Variants in EBF1 observed in about 807,000 individuals in gnomAD.
EBF1 encodes the protein EBF transcription factor 1.
In EBF1, 10 loss-of-function variants were observed where a neutral mutation model predicts 68.4. That is an observed-to-expected ratio of 0.15 (90% confidence interval 0.09 to 0.25). The LOEUF is 0.25. EBF1 is among the 10% of genes least tolerant of loss of function. The probability of loss-of-function intolerance (pLI) is 1.00; values close to 1 mark genes in which losing one functional copy is unlikely to be tolerated. For missense variants in EBF1, 509 were observed against 794.4 expected (o/e 0.64, Z 4.32); for synonymous variants, 298 against 299.8 (o/e 0.99, Z 0.06).
intron 6 of EBF1, among the ~76,000 whole-genome samples, chr5:158,918,067 C>T (rs1046011067): frequency 1.3e-5 from 2 of 152,214 alleles, no homozygotes; most frequent in African/African-American, 4.8e-5. Flanking sequence ...CACTCTCCTT[C>T]AGCCAGGGCA....
chr5:159,099,231 G>T (rs1444625785), intron 1 of EBF1, 114 bp downstream of exon 1: 3 of 824,512 alleles, frequency 3.6e-6, no homozygotes, highest in Non-Finnish European at 4.9e-6. Flanking sequence ...AGCGGCTGCG[G>T]ACTCACCCCG....
At chr5:158,738,411 C>T (rs1310235748) in intron 10 of EBF1, among the ~76,000 whole-genome samples, 1 of 152,192 alleles carries the variant, frequency 6.6e-6, no homozygotes, top group Non-Finnish European at 1.5e-5. Context: ...TGACAGGTTA[C>T]TTTCAAAGGC....
intron 8 of EBF1, among the ~76,000 whole-genome samples, chr5:158,821,813 A>G (rs1181873258): frequency 2.6e-5 from 4 of 152,228 alleles, no homozygotes; most frequent in Admixed American, 2.6e-4. Flanking sequence ...TGTAATATCC[A>G]TCCATCTCAG....
At chr5:158,880,904 T>C (rs1798780468) in intron 6 of EBF1, among the ~76,000 whole-genome samples, 1 of 152,152 alleles carries the variant, frequency 6.6e-6, no homozygotes, top group Non-Finnish European at 1.5e-5. Context: ...GGTGGAAATG[T>C]CATTCACCCA....
intron 5 of EBF1, among the ~76,000 whole-genome samples, chr5:159,078,468 C>T (rs1779183510): frequency 6.6e-6 from 1 of 152,160 alleles, no homozygotes; most frequent in South Asian, 2.1e-4. Context: ...TAATTAGGTC[C>T]TCATTACTGT....
intron 6 of EBF1, among the ~76,000 whole-genome samples, chr5:159,021,991 T>C (rs1766778012): frequency 6.9e-6 from 1 of 145,840 alleles, no homozygotes; most frequent in Non-Finnish European, 1.5e-5. Context: ...ACTCGAGTGT[T>C]GCAATAAGTG....
Position 159,012,441 on chromosome 5 carries a change from C to T in EBF1, c.554+60955G>A, listed in dbSNP as rs184791622. Among the ~76,000 whole-genome samples, 346 of 152,148 alleles carry T rather than the reference C, an allele frequency of 2.3e-3. 2 individuals are homozygous for T. Among genetic ancestry groups the T allele is most frequent in the African/African-American group, 7.6e-3 (315 of 41,514 alleles). ...ACTCCAAAATTCATATGTTGAAGTC[C>T]TAACCCCCAGTACCTCAGAATGTGA... On this transcript the variant is annotated intron_variant, in intron 6 of 15. Coordinates refer to ENST00000313708, the MANE Select transcript of EBF1 (RefSeq NM_024007.5).
At chr5:158,878,369 C>G (rs1408707221) in intron 6 of EBF1, among the ~76,000 whole-genome samples, 2 of 152,118 alleles carry the variant, frequency 1.3e-5, no homozygotes, top group Non-Finnish European at 2.9e-5. Flanking sequence ...GCCCATTTCT[C>G]TAAAAGTATC....
At chr5:158,887,424 C>T (rs1800278713) in intron 6 of EBF1, among the ~76,000 whole-genome samples, 1 of 152,144 alleles carries the variant, frequency 6.6e-6, no homozygotes, top group Admixed American at 6.5e-5. Flanking sequence ...TCAGAAACAG[C>T]CATTGTAGAA....
At chr5:159,028,039 G>A (rs1175537655) in intron 6 of EBF1, among the ~76,000 whole-genome samples, 1 of 152,196 alleles carries the variant, frequency 6.6e-6, no homozygotes, top group East Asian at 1.9e-4. Flanking sequence ...GCAGGTTGAA[G>A]TTGGGGCTTT....
chr5:158,897,576 G>A (rs777620275), intron 6 of EBF1, among the ~76,000 whole-genome samples: 1 of 150,748 alleles, frequency 6.6e-6, no homozygotes, highest in South Asian at 2.1e-4. Context: ...GAACTTAAAC[G>A]TTAAAAAAAA....
intron 11 of EBF1, among the ~76,000 whole-genome samples, chr5:158,720,543 C>G (rs541828603): frequency 1.8e-4 from 28 of 151,972 alleles, no homozygotes; most frequent in Admixed American, 1.8e-3. Context: ...ACTTGGGCAC[C>G]GTTTAGTTTC....
intron 6 of EBF1, among the ~76,000 whole-genome samples, chr5:158,972,781 G>A (rs75282878): frequency 6.2e-4 from 94 of 152,268 alleles, no homozygotes; most frequent in African/African-American, 1.9e-3. Context: ...CTTGGGCAGC[G>A]CCACCTGCTA....
At chr5:158,868,156 A>G (rs575922870) in intron 6 of EBF1, among the ~76,000 whole-genome samples, 1 of 152,082 alleles carries the variant, frequency 6.6e-6, no homozygotes, top group Non-Finnish European at 1.5e-5. Context: ...CATATTCTTC[A>G]TTCTGTCATT....
intron 6 of EBF1, among the ~76,000 whole-genome samples, chr5:158,945,612 CT>C (rs1457744834): frequency 2.0e-5 from 3 of 152,150 alleles, no homozygotes; most frequent in Non-Finnish European, 4.4e-5. Flanking sequence ...ACATTTTTTC[CT>C]TCATTTCAAC....
intron 6 of EBF1, among the ~76,000 whole-genome samples, chr5:158,856,884 C>A (rs1794118782): frequency 6.6e-6 from 1 of 152,314 alleles, no homozygotes; most frequent in Non-Finnish European, 1.5e-5. Context: ...TAGGGTACAG[C>A]AATATGCCTG....
chr5:158,965,995 G>A (rs1481311442), intron 6 of EBF1, among the ~76,000 whole-genome samples: 1 of 152,124 alleles, frequency 6.6e-6, no homozygotes, highest in Admixed American at 6.5e-5. Flanking sequence ...AGACAAAATT[G>A]GTGAGGGTTT....
At chr5:158,725,966 T>C (rs1762908937) in intron 11 of EBF1, among the ~76,000 whole-genome samples, 1 of 152,212 alleles carries the variant, frequency 6.6e-6, no homozygotes, top group African/African-American at 2.4e-5. Flanking sequence ...TTTAAATGTG[T>C]TGTTCTTAAA....
intron 4 of EBF1, among the ~76,000 whole-genome samples, chr5:159,090,401 T>C (rs979380687): frequency 6.6e-6 from 1 of 152,050 alleles, no homozygotes; most frequent in South Asian, 2.1e-4. Flanking sequence ...CCAACATTAG[T>C]AGTGGAATAA....
Sources: allele counts gnomAD v4.1 joint callset (sites outside exome capture counted in the v4.1 genomes callset), GRCh38; gene constraint gnomAD v4.1.1; transcripts MANE v1.5; gene names NCBI Gene and HGNC (gene_info 2026-07-23, HGNC 2026-07-21).